WASHC4: variants seen among roughly 807,000 people sequenced by gnomAD.
WASHC4 encodes the protein WASH complex subunit 7.
Under a neutral mutation model 166.6 loss-of-function variants are expected in WASHC4, and 86 were observed. That is an observed-to-expected ratio of 0.52 (90% CI 0.43 to 0.62). WASHC4 has a LOEUF of 0.62. Among genes scored for constraint, WASHC4 ranks in the 20% least tolerant of loss-of-function variants. WASHC4 has a pLI of 0.00. For missense variants in WASHC4, 1,262 were observed against 1,382.4 expected (o/e 0.91, Z 1.38); for synonymous variants, 446 against 451.6 (o/e 0.99, Z 0.16).
intron 13 of WASHC4, among the ~76,000 whole-genome samples, chr12:105,128,701 A>G (rs572064652): frequency 2.0e-5 from 3 of 152,168 alleles, no homozygotes; most frequent in Non-Finnish European, 4.4e-5. Context: ...TCTGGTCCCA[A>G]CCATTTTGGA....
intron 2 of WASHC4, 63 bp from the exon 3 acceptor site, chr12:105,114,152 GT>G: frequency 6.9e-7 from 1 of 1,443,242 alleles, no homozygotes; most frequent in Non-Finnish European, 9.7e-7. Context: ...GCCTCAATTT[GT>G]GTTTTTAAAA....
intron 18 of WASHC4, among the ~76,000 whole-genome samples, chr12:105,141,450 T>G (rs1328908247): frequency 2.6e-5 from 4 of 152,228 alleles, no homozygotes; most frequent in Admixed American, 2.0e-4. Context: ...ATGTAGCCCC[T>G]AGAAAAACTC....
At chr12:105,120,705 CGTGT>C (rs71986370) in intron 8 of WASHC4, 108 bp downstream of exon 8, 166 of 695,932 alleles carry the variant, frequency 2.4e-4, no homozygotes, top group Middle Eastern at 5.9e-4. Flanking sequence ...CTTAAAGAGG[CGTGT>C]GTGTGTGTGT....
At chr12:105,155,819 G>C (rs1355134013) in intron 26 of WASHC4, among the ~76,000 whole-genome samples, 1 of 152,154 alleles carries the variant, frequency 6.6e-6, no homozygotes, top group East Asian at 1.9e-4. Context: ...TCCATCCTGG[G>C]TGACAGAGTG....
At chr12:105,143,330 T>A in intron 20 of WASHC4, 87 bp downstream of exon 20, 1 of 751,648 alleles carries the variant, frequency 1.3e-6, no homozygotes, top group Non-Finnish European at 2.4e-6. Context: ...GCAGACTCAC[T>A]GAGTTAAAAT....
At chr12:105,127,720 A>T (rs1046921586) in intron 13 of WASHC4, among the ~76,000 whole-genome samples, 1 of 152,110 alleles carries the variant, frequency 6.6e-6, no homozygotes, top group African/African-American at 2.4e-5. Context: ...GCATGTATAT[A>T]AAACATCAAA....
At chr12:105,148,505 T>C (rs1164827139) in intron 24 of WASHC4, 1 of 985,228 alleles carries the variant, frequency 1.0e-6, no homozygotes, top group Non-Finnish European at 1.2e-6. Context: ...CTGATGTCTG[T>C]TGATGAAATG....
In WASHC4 at chr12:105,140,369, C is replaced by T. The variant is rs749437660; in HGVS notation, c.1528C>T (p.His510Tyr). 3.1e-6 allele frequency: 5 copies of T among 1,613,460 alleles called. No individual in the cohort carries two copies. Among genetic ancestry groups the T allele is most frequent in the Non-Finnish European group, 4.2e-6 (5 of 1,179,406 alleles). Residue 510 changes from histidine (H) to tyrosine (Y), a missense_variant, in exon 16 of 33, where the codon CAT becomes TAT. His to Tyr is a moderately conservative substitution (Grantham distance 83). Transcript: ENST00000332180. ...SVSHITQHLQ[H>Y]QALHSISVAK... ...TTCACATATAACACAGCACCTTCAA[C>T]ATCAGGCTCTTCATTCTATTTCTGT...
chr12:105,114,467 C>A, intron 4 of WASHC4, 40 bp downstream of exon 4: 2 of 1,135,946 alleles, frequency 1.8e-6, no homozygotes, highest in South Asian at 1.4e-5. Flanking sequence ...TTAAAAACAT[C>A]ATTTAGAAGC....
intron 13 of WASHC4, among the ~76,000 whole-genome samples, chr12:105,133,489 T>G (rs1487708278): frequency 5.3e-5 from 8 of 152,180 alleles, no homozygotes; most frequent in African/African-American, 1.9e-4. Context: ...GATTTCATTA[T>G]TATACAGCTC....
chr12:105,140,303 C>CATAT lies in WASHC4; in HGVS notation c.1463_1466dup (p.Met489IlefsTer12). 2 of 1,609,908 alleles carry CATAT rather than the reference C, an allele frequency of 1.2e-6. No homozygotes were observed. Among genetic ancestry groups the CATAT allele is most frequent in the Non-Finnish European group, 1.7e-6 (2 of 1,176,188 alleles). On this transcript the variant is annotated frameshift_variant, in exon 16 of 33. Coordinates refer to ENST00000332180, the MANE Select transcript of WASHC4 (RefSeq NM_015275.3). LOFTEE classifies it high-confidence loss of function. The stretch of plus-strand genomic sequence containing the variant: ...TTCTGATTCTTTTTAGGCAATAGAG[C>CATAT]ATATGTTCTACAGGAGAAGCATGGT...
intron 19 of WASHC4, 99 bp downstream of exon 19, chr12:105,142,657 A>G: frequency 1.5e-6 from 1 of 685,660 alleles, no homozygotes; most frequent in East Asian, 2.8e-5. Flanking sequence ...ATAAACTTTT[A>G]AAATTGACTG....
At chr12:105,154,542 TACC>T (rs1453106853) in intron 26 of WASHC4, among the ~76,000 whole-genome samples, 3 of 152,260 alleles carry the variant, frequency 2.0e-5, no homozygotes, top group Admixed American at 6.5e-5. Flanking sequence ...ACGTGAATCT[TACC>T]ACAACATTTA....
At chr12:105,108,863 G>A (rs1879353712) in intron 1 of WASHC4, among the ~76,000 whole-genome samples, 1 of 152,082 alleles carries the variant, frequency 6.6e-6, no homozygotes, top group South Asian at 2.1e-4. Flanking sequence ...GGTTTTACAA[G>A]TCTCTCAGAG....
At chr12:105,150,165 ATAT>A (rs1444884591) in intron 25 of WASHC4, among the ~76,000 whole-genome samples, 1 of 152,198 alleles carries the variant, frequency 6.6e-6, no homozygotes, top group African/African-American at 2.4e-5. Context: ...AAATGGAGTA[ATAT>A]TATACATAGC....
intron 13 of WASHC4, among the ~76,000 whole-genome samples, chr12:105,132,358 G>T (rs1881911716): frequency 6.6e-6 from 1 of 152,170 alleles, no homozygotes; most frequent in Admixed American, 6.5e-5. Context: ...TTTTAGTAGA[G>T]ATGGGGTTTC....
chr12:105,150,315 A>G (rs955360073), intron 25 of WASHC4, among the ~76,000 whole-genome samples: 1 of 152,188 alleles, frequency 6.6e-6, no homozygotes, highest in Non-Finnish European at 1.5e-5. Context: ...CATTCTTACA[A>G]ACAGTGCTGC....
intron 28 of WASHC4, among the ~76,000 whole-genome samples, chr12:105,157,532 ATGG>A (rs1884246981): frequency 6.6e-6 from 1 of 152,208 alleles, no homozygotes. Context: ...CTAGCCACAC[ATGG>A]CTCTTGAGCA....
chr12:105,158,171 A>AG (rs1281436562), intron 28 of WASHC4, among the ~76,000 whole-genome samples: 1 of 152,206 alleles, frequency 6.6e-6, no homozygotes, highest in Non-Finnish European at 1.5e-5. Flanking sequence ...TGTTAAATTT[A>AG]GGGGGGAAAT....
Sources: allele counts gnomAD v4.1 joint callset (sites outside exome capture counted in the v4.1 genomes callset), GRCh38; gene constraint gnomAD v4.1.1; transcripts MANE v1.5; gene names NCBI Gene and HGNC (gene_info 2026-07-23, HGNC 2026-07-21).